The following CDH8 variants were observed in gnomAD, a reference collection of about 807,000 sequenced individuals.
CDH8 encodes the protein cadherin-8.
In CDH8, 17 loss-of-function variants were observed where a neutral mutation model predicts 68.1. That is an observed-to-expected ratio of 0.25 (90% CI 0.17 to 0.37). CDH8 has a LOEUF of 0.37. Among genes scored for constraint, CDH8 ranks in the 10% least tolerant of loss-of-function variants. CDH8 has a pLI of 1.00. For missense variants in CDH8, 763 were observed against 999.3 expected, an observed-to-expected ratio of 0.76 and a Z score of 3.19; for synonymous variants, 372 against 365.1, an observed-to-expected ratio of 1.02 and a Z score of -0.21.
intron 8 of CDH8, among the ~76,000 whole-genome samples, chr16:61,738,205 C>A (rs1235619912): frequency 1.3e-5 from 2 of 152,200 alleles, no homozygotes; most frequent in African/African-American, 4.8e-5. Context: ...TTGATTCAAG[C>A]CCTCACTGAC....
At chr16:61,919,460 A>T (rs1347392288) in intron 2 of CDH8, among the ~76,000 whole-genome samples, 1 of 147,464 alleles carries the variant, frequency 6.8e-6, no homozygotes, top group Middle Eastern at 3.2e-3. Flanking sequence ...CAATACAGAG[A>T]AGTGCTTAAA....
chr16:61,734,208 T>C (rs1201159067), intron 8 of CDH8, among the ~76,000 whole-genome samples: 1 of 152,102 alleles, frequency 6.6e-6, no homozygotes, highest in East Asian at 1.9e-4. Flanking sequence ...CAGAGAGAGC[T>C]TAACTAGGTT....
chr16:61,724,831 T>C (rs1015324773), intron 9 of CDH8, among the ~76,000 whole-genome samples: 8 of 150,722 alleles, frequency 5.3e-5, no homozygotes, highest in Non-Finnish European at 1.2e-4. Context: ...TGAACTTCTA[T>C]AAGTAAACAC....
intron 8 of CDH8, among the ~76,000 whole-genome samples, chr16:61,774,459 G>GAA (rs11318433): frequency 4.9e-5 from 6 of 123,214 alleles, no homozygotes; most frequent in Admixed American, 1.7e-4. Context: ...ATCACTCAGG[G>GAA]AAAAAAAAAA....
intron 2 of CDH8, among the ~76,000 whole-genome samples, chr16:61,945,994 C>G (rs1424123779): frequency 1.3e-5 from 2 of 152,118 alleles, no homozygotes; most frequent in Non-Finnish European, 2.9e-5. Context: ...TTTAATGAGT[C>G]ACAGGCAGAA....
At chr16:62,009,788 A>G (rs967926921) in intron 2 of CDH8, among the ~76,000 whole-genome samples, 2 of 152,218 alleles carry the variant, frequency 1.3e-5, no homozygotes, top group African/African-American at 2.4e-5. Context: ...TAATTCTCTT[A>G]TCTGCAAAAT....
At chr16:61,982,380 C>T (rs1177861909) in intron 2 of CDH8, among the ~76,000 whole-genome samples, 4 of 152,056 alleles carry the variant, frequency 2.6e-5, no homozygotes, top group Admixed American at 6.6e-5. Context: ...CCACCTCGCC[C>T]GGCTAATTTT....
chr16:61,907,473 A>G (rs938863328), intron 2 of CDH8, among the ~76,000 whole-genome samples: 1 of 151,904 alleles, frequency 6.6e-6, no homozygotes, highest in Non-Finnish European at 1.5e-5. Flanking sequence ...GAGCCCAGGA[A>G]TTCGAGGCCA....
At chr16:62,003,387 A>G (rs1965925090) in intron 2 of CDH8, among the ~76,000 whole-genome samples, 1 of 152,220 alleles carries the variant, frequency 6.6e-6, no homozygotes, top group Non-Finnish European at 1.5e-5. Context: ...GCAACATAGT[A>G]CTTTTATAAA....
intron 7 of CDH8, among the ~76,000 whole-genome samples, chr16:61,816,093 G>C (rs1962067169): frequency 6.6e-6 from 1 of 152,010 alleles, no homozygotes; most frequent in Non-Finnish European, 1.5e-5. Flanking sequence ...AATGGCCAAT[G>C]GACCATTTCT....
intron 8 of CDH8, among the ~76,000 whole-genome samples, chr16:61,734,476 T>A (rs1026077828): frequency 3.3e-5 from 5 of 152,110 alleles, no homozygotes; most frequent in Non-Finnish European, 7.4e-5. Flanking sequence ...AGAGTTTGTA[T>A]TTTCGTGGCA....
intron 7 of CDH8, among the ~76,000 whole-genome samples, chr16:61,807,264 T>C (rs1040165686): frequency 1.3e-4 from 18 of 143,142 alleles, no homozygotes; most frequent in African/African-American, 3.2e-4. Context: ...TAGGTGGGAA[T>C]TGAACAATGA....
At chr16:61,953,667 A>G (rs1429303567) in intron 2 of CDH8, among the ~76,000 whole-genome samples, 3 of 151,570 alleles carry the variant, frequency 2.0e-5, no homozygotes, top group East Asian at 3.9e-4. Context: ...CAGGAATTCG[A>G]GACCAGCCTG....
intron 8 of CDH8, among the ~76,000 whole-genome samples, chr16:61,766,229 G>A (rs774735628): frequency 2.7e-5 from 4 of 150,576 alleles, no homozygotes; most frequent in Admixed American, 6.6e-5. Flanking sequence ...ACTTATAAGT[G>A]AGAACATGTG....
At chr16:61,837,280 G>A (rs746635412) in intron 4 of CDH8, among the ~76,000 whole-genome samples, 19 of 151,784 alleles carry the variant, frequency 1.3e-4, no homozygotes, top group East Asian at 9.7e-4. Context: ...TATAATCACC[G>A]GTTCTCATTT....
At chr16:61,697,916 C>T (rs1285934379) in intron 10 of CDH8, among the ~76,000 whole-genome samples, 3 of 152,178 alleles carry the variant, frequency 2.0e-5, no homozygotes, top group Admixed American at 1.3e-4. Context: ...GCTCATGCAA[C>T]GTGCTTGAGG....
chr16:61,860,296 C>T (rs79498687), intron 3 of CDH8, among the ~76,000 whole-genome samples: 1,773 of 152,076 alleles, frequency 0.012, 38 homozygotes, highest in African/African-American at 0.04. Context: ...CAGAACTGTG[C>T]GAAAATAATT....
chr16:61,985,449 G>C (rs2150585458), intron 2 of CDH8, among the ~76,000 whole-genome samples: 1 of 152,296 alleles, frequency 6.6e-6, no homozygotes, highest in East Asian at 1.9e-4. Flanking sequence ...CTATTGGACA[G>C]AACATCCTGA....
chr16:61,861,251 T>A (rs1963144392), intron 3 of CDH8, among the ~76,000 whole-genome samples: 1 of 152,206 alleles, frequency 6.6e-6, no homozygotes. Context: ...TGCACCAAAC[T>A]TTTTAAAATT....
Sources: gnomAD v4.1 joint callset for allele counts (sites outside exome capture counted in the v4.1 genomes callset) on GRCh38, gnomAD v4.1.1 for gene constraint, MANE v1.5 for transcripts, NCBI Gene and HGNC (gene_info 2026-07-23, HGNC 2026-07-21) for gene names.